The following OR4F15 variants were observed in gnomAD, a reference collection of about 807,000 sequenced individuals.
OR4F15 encodes olfactory receptor family 4 subfamily F member 15, also known as olfactory receptor 4F15.
A neutral mutation model predicts 11.9 loss-of-function variants in OR4F15; 7 were observed. That is an observed-to-expected ratio of 0.59 (90% CI 0.33 to 1.10). OR4F15 has a LOEUF of 1.10. Among genes scored for constraint, OR4F15 ranks in the 50% least tolerant of loss-of-function variants. OR4F15 has a pLI of 0.03. For missense variants in OR4F15, 445 were observed against 377.5 expected (o/e 1.18, Z -1.48); for synonymous variants, 151 against 134.6 (o/e 1.12, Z -0.84).
At chr15:101,815,409 T>TTATA (rs58437904) in intron 1 of OR4F15, among the ~76,000 whole-genome samples, 46 of 150,554 alleles carry the variant, frequency 3.1e-4, no homozygotes, top group South Asian at 1.5e-3. Flanking sequence ...CCCACCAGTT[T>TTATA]TATATATATA....
intron 1 of OR4F15, among the ~76,000 whole-genome samples, chr15:101,813,800 A>T (rs1043682736): frequency 2.0e-5 from 3 of 152,234 alleles, no homozygotes; most frequent in African/African-American, 7.2e-5. Context: ...TGATTCCATC[A>T]AATGCTAGAC....
rs772863439 is a variant in OR4F15 at position 101,818,243 on chromosome 15, C to T, written c.57C>T (p.Asn19=). 2 of 1,613,954 alleles carry T rather than the reference C, an allele frequency of 1.2e-6. No homozygotes were observed. The highest frequency in any genetic ancestry group is 1.7e-6 in the Non-Finnish European group (2 of 1,179,884). ...VSEFVFMGLT[N]SREIQLLLFV... ...AATTTGTATTCATGGGACTCACCAA[C>T]TCACGGGAGATTCAGCTTCTACTTT... is the stretch of plus-strand genomic sequence containing the variant. Residue 19 remains asparagine (N), a synonymous_variant, in exon 2 of 2, where the codon AAC becomes AAT. Coordinates refer to ENST00000332238, the MANE Select transcript of OR4F15 (RefSeq NM_001001674.2).
Position 101,819,164 on chromosome 15 carries a change from C to T in OR4F15, c.*39C>T. 7.4e-7 allele frequency: 1 copy of T among 1,358,788 alleles called. No homozygotes were observed. The highest frequency in any genetic ancestry group is 1.0e-6 in the Non-Finnish European group (1 of 989,808). 84.2% of individuals were successfully genotyped at this position (1,358,788 alleles called of 1,614,324 possible). A position where few individuals can be genotyped will look rare whatever the true frequency, so the allele number is the denominator to read the frequency against. On this transcript the variant is annotated 3_prime_UTR_variant, in exon 2 of 2. Transcript: ENST00000332238. ...CAAGATGTGTAACTATGGATTACTC[C>T]TCATGCTGATTGCATAAAAGAAACT...
Position 101,818,201 on chromosome 15 carries a change from T to G in OR4F15, c.15T>G (p.Asn5Lys). The G allele has an allele frequency of 6.2e-7, 1 of 1,607,486 alleles. No homozygotes were observed. The highest frequency in any genetic ancestry group is 8.5e-7 in the Non-Finnish European group (1 of 1,175,448). The change falls in exon 2 of 2, where the codon AAT becomes AAG. Residue 5 changes from asparagine (N) to lysine (K), a missense_variant. Asn to Lys is a moderately conservative substitution (Grantham distance 94). Transcript: ENST00000332238. The stretch of plus-strand genomic sequence containing the variant: ...AGTCTGAGGCAATGAATGGAATGAA[T>G]CACTCTGTGGTATCAGAATTTGTAT... Reference protein sequence around the residue: MNGMNHSVVSEFVFM... With the variant: MNGMKHSVVSEFVFM...
chr15:101,816,500 G>A (rs965851458), intron 1 of OR4F15, among the ~76,000 whole-genome samples: 1 of 152,056 alleles, frequency 6.6e-6, no homozygotes, highest in Non-Finnish European at 1.5e-5. Flanking sequence ...GTGTGTGTGT[G>A]TGTGTGTGTG....
intron 1 of OR4F15, among the ~76,000 whole-genome samples, chr15:101,812,799 G>A (rs1163018012): frequency 1.3e-5 from 2 of 152,106 alleles, no homozygotes; most frequent in African/African-American, 2.4e-5. Flanking sequence ...AAAATTAGTT[G>A]ATTGAAGAAT....
rs1460647797 is a variant in OR4F15, at chr15:101,818,209, T to A, written c.23T>A (p.Val8Glu). Reference protein sequence around the residue: MNGMNHSVVSEFVFMGLT... With the variant: MNGMNHSEVSEFVFMGLT... ...GCAATGAATGGAATGAATCACTCTG[T>A]GGTATCAGAATTTGTATTCATGGGA... The change falls in exon 2 of 2, where the codon GTG becomes GAG. Residue 8 changes from valine (V) to glutamate (E), a missense_variant. Physicochemically the swap from Val to Glu is moderately radical, Grantham distance 121. Transcript: ENST00000332238. 1 of 1,611,118 alleles carries A rather than the reference T, an allele frequency of 6.2e-7. No individual in the cohort carries two copies. Among genetic ancestry groups the A allele is most frequent in the East Asian group, 2.2e-5 (1 of 44,864 alleles).
In OR4F15 at chr15:101,819,729, G is replaced by C. The variant is rs1219282006; in HGVS notation, c.*604G>C. The C allele has an allele frequency of 6.6e-6, 1 of 152,612 alleles. No individual in the cohort carries two copies. Among genetic ancestry groups the C allele is most frequent in the Non-Finnish European group, 1.5e-5 (1 of 68,448 alleles). The allele number at this position is 152,612 out of a possible 1,614,324, so 9.5% of individuals were successfully genotyped here. On this transcript the variant is annotated 3_prime_UTR_variant, in exon 2 of 2. Transcript: ENST00000332238. ...GAGTTTCACCATGTTGGCCAGGCTGGTCTGGAACCCCTGACCTCTAGTGAT... is the reference window on the plus strand; with the variant it reads ...GAGTTTCACCATGTTGGCCAGGCTGCTCTGGAACCCCTGACCTCTAGTGAT...
chr15:101,818,763 C>G lies in OR4F15; in HGVS notation c.577C>G (p.Gln193Glu). 1 of 1,614,118 alleles carries G rather than the reference C, an allele frequency of 6.2e-7. No individual in the cohort carries two copies. The highest frequency in any genetic ancestry group is 8.5e-7 in the Non-Finnish European group (1 of 1,179,978). ...CCTCAGACTTGCCTGTACCAACACC[C>G]AAGAACTGGAGTTCATGGTCACTGT... ...RLLRLACTNT[Q>E]ELEFMVTVNS... Residue 193 changes from glutamine to glutamate, a missense_variant, in exon 2 of 2, where the codon CAA (glutamine) becomes GAA (glutamate). Physicochemically the swap from Gln to Glu is conservative, Grantham distance 29. Transcript: ENST00000332238.
Position 101,819,092 on chromosome 15 carries a change from C to T in OR4F15, c.906C>T (p.Cys302=), listed in dbSNP as rs1903057375. Residue 302 remains cysteine (C), a synonymous_variant, in exon 2 of 2, where the codon TGC becomes TGT. Coordinates refer to ENST00000332238, the MANE Select transcript of OR4F15 (RefSeq NM_001001674.2). ...TGAAAGTGGCAATGAGGAGACTGTGCAGTCGTCTTGCGCATTTTACAAAGA... is the reference window on the plus strand; with the variant it reads ...TGAAAGTGGCAATGAGGAGACTGTGTAGTCGTCTTGCGCATTTTACAAAGA... ...KDMKVAMRRL[C]SRLAHFTKIL is the part of the protein sequence containing the mutation. 5.6e-6 allele frequency: 9 copies of T among 1,611,958 alleles called. No homozygotes were observed. The highest frequency in any genetic ancestry group is 7.6e-6 in the Non-Finnish European group (9 of 1,178,688).
intron 1 of OR4F15, among the ~76,000 whole-genome samples, chr15:101,815,893 T>C (rs751364699): frequency 1.3e-5 from 2 of 152,190 alleles, no homozygotes; most frequent in Non-Finnish European, 2.9e-5. Flanking sequence ...CCATGCTTGG[T>C]CCTACATGTA....
At position 101,818,177 on chromosome 15, in the gene OR4F15, G is replaced by C. The variant is rs554400434; in HGVS notation, c.-10G>C. On this transcript the variant is annotated 5_prime_UTR_variant, in exon 2 of 2. Transcript: ENST00000332238. Reference sequence around the variant, plus strand: ...AAGTAACATGAAAACTGATCTTGGAGTCTGAGGCAATGAATGGAATGAATC... The same window carrying C: ...AAGTAACATGAAAACTGATCTTGGACTCTGAGGCAATGAATGGAATGAATC... 1.3e-6 allele frequency: 2 copies of C among 1,566,416 alleles called. No homozygotes were observed. The highest frequency in any genetic ancestry group is 3.4e-5 in the Admixed American group (2 of 58,344).
chr15:101,814,043 G>A (rs574285919), intron 1 of OR4F15, among the ~76,000 whole-genome samples: 72 of 152,280 alleles, frequency 4.7e-4, no homozygotes, highest in African/African-American at 1.6e-3. Context: ...AAGCCATTCA[G>A]CGACCCAAAG....
chr15:101,813,829 T>G (rs1031328528), intron 1 of OR4F15, among the ~76,000 whole-genome samples: 4 of 152,242 alleles, frequency 2.6e-5, no homozygotes, highest in Non-Finnish European at 5.9e-5. Context: ...TTTGTCACAC[T>G]ATCACAATTG....
chr15:101,818,043 G>T (rs909060160), intron 1 of OR4F15, 107 bp from the exon 2 acceptor site: 1 of 638,786 alleles, frequency 1.6e-6, no homozygotes, highest in African/African-American at 1.8e-5. Flanking sequence ...GGGTTATTTG[G>T]CTGTGTAAGA....
intron 1 of OR4F15, among the ~76,000 whole-genome samples, chr15:101,813,508 CAAAAA>C (rs11311342): frequency 9.3e-6 from 1 of 107,368 alleles, no homozygotes; most frequent in African/African-American, 3.5e-5. Flanking sequence ...GAATCTGTCT[CAAAAA>C]AAAAAAAAAA....
rs1212040000 is a variant in OR4F15, at chr15:101,818,838, T to C, written c.652T>C (p.Tyr218His). ...CTCCTTTGTCTTGCTGGTAATTTCC[T>C]ACATCTTCATTCTGTTCACTGTTTG... ...VGSFVLLVIS[Y>H]IFILFTVWKH... Residue 218 changes from tyrosine (Y) to histidine (H), a missense_variant, in exon 2 of 2, where the codon TAC becomes CAC. Tyr to His is a moderately conservative substitution (Grantham distance 83, BLOSUM62 2). Coordinates refer to ENST00000332238, the MANE Select transcript of OR4F15 (RefSeq NM_001001674.2). The C allele has an allele frequency of 1.9e-6, 3 of 1,614,176 alleles. No individual in the cohort carries two copies. The highest frequency in any genetic ancestry group is 2.2e-5 in the South Asian group (2 of 91,086).
At position 101,819,150 on chromosome 15, in the gene OR4F15, A is replaced by T; in HGVS notation, c.*25A>T. ...AATGGCTTGGCTGTCAAGATGTGTA[A>T]CTATGGATTACTCCTCATGCTGATT... On this transcript the variant is annotated 3_prime_UTR_variant, in exon 2 of 2. Coordinates refer to ENST00000332238, the MANE Select transcript of OR4F15 (RefSeq NM_001001674.2). The T allele has an allele frequency of 7.0e-7, 1 of 1,435,452 alleles. No individual in the cohort carries two copies. Among genetic ancestry groups the T allele is most frequent in the Non-Finnish European group, 9.6e-7 (1 of 1,044,956 alleles). The allele number at this position is 1,435,452 out of a possible 1,614,324, so 88.9% of individuals were successfully genotyped here.
chr15:101,813,232 G>A (rs1213230304), intron 1 of OR4F15, among the ~76,000 whole-genome samples: 1 of 152,174 alleles, frequency 6.6e-6, no homozygotes, highest in African/African-American at 2.4e-5. Context: ...ACACAGCCGG[G>A]CACGGTGGCT....
Sources: gnomAD v4.1 joint callset for allele counts (sites outside exome capture counted in the v4.1 genomes callset) on GRCh38, gnomAD v4.1.1 for gene constraint, MANE v1.5 for transcripts, NCBI Gene and HGNC (gene_info 2026-07-23, HGNC 2026-07-21) for gene names.